The following DNER variants were observed in gnomAD, a reference collection of about 807,000 sequenced individuals.
DNER encodes delta/notch like EGF repeat containing.
A neutral mutation model predicts 78.2 loss-of-function variants in DNER; 33 were observed. That is an observed-to-expected ratio of 0.42 (90% CI 0.32 to 0.56). The LOEUF (loss-of-function observed/expected upper bound fraction) is 0.56, where lower values mean the gene tolerates loss of function less well. Ranked by LOEUF, DNER falls within the 20% of genes least tolerant of loss-of-function variation. DNER has a pLI of 0.11. For synonymous variants in DNER, 417 were observed against 384.8 expected (o/e 1.08, Z -0.98); for missense variants, 918 against 975.3 (o/e 0.94, Z 0.78).
intron 4 of DNER, among the ~76,000 whole-genome samples, chr2:229,560,719 C>T (rs1329926928): frequency 6.6e-6 from 1 of 152,080 alleles, no homozygotes; most frequent in Non-Finnish European, 1.5e-5. Context: ...GGGCCAGGTG[C>T]AAAAATTGCT....
chr2:229,475,911 C>A (rs570396213), intron 7 of DNER, among the ~76,000 whole-genome samples: 2 of 152,318 alleles, frequency 1.3e-5, no homozygotes, highest in East Asian at 3.9e-4. Flanking sequence ...TGGCGACTGA[C>A]TAACCAAGGG....
At chr2:229,387,579 G>GAAA (rs1692917142) in intron 11 of DNER, among the ~76,000 whole-genome samples, 11 of 147,916 alleles carry the variant, frequency 7.4e-5, no homozygotes, top group African/African-American at 2.2e-4. Flanking sequence ...AAAGAAAGAA[G>GAAA]GAAGGAAGGA....
intron 9 of DNER, among the ~76,000 whole-genome samples, chr2:229,416,852 G>C (rs1352493624): frequency 6.6e-6 from 1 of 152,136 alleles, no homozygotes; most frequent in African/African-American, 2.4e-5. Context: ...CAGAGATATT[G>C]AATGTCAATG....
chr2:229,439,722 C>T (rs77190368), intron 8 of DNER, among the ~76,000 whole-genome samples: 1,683 of 152,256 alleles, frequency 0.011, 98 homozygotes, highest in Admixed American at 0.094. Context: ...TCTGACCCTC[C>T]AGGGCCATAA....
chr2:229,655,184 A>G (rs558280916), intron 1 of DNER, among the ~76,000 whole-genome samples: 31 of 152,272 alleles, frequency 2.0e-4, no homozygotes, highest in South Asian at 1.9e-3. Context: ...AAGCTGCATG[A>G]TATCTTTACA....
At chr2:229,606,878 G>A (rs1287981164) in intron 1 of DNER, among the ~76,000 whole-genome samples, 1 of 152,078 alleles carries the variant, frequency 6.6e-6, no homozygotes, top group African/African-American at 2.4e-5. Flanking sequence ...TAGGCAACGA[G>A]AGCAAAACTC....
chr2:229,621,699 C>T (rs1478414793), intron 1 of DNER, among the ~76,000 whole-genome samples: 2 of 152,210 alleles, frequency 1.3e-5, no homozygotes, highest in African/African-American at 2.4e-5. Context: ...ATGCACCTGG[C>T]CTGACCCTCA....
chr2:229,394,240 T>C (rs939576179), intron 10 of DNER, among the ~76,000 whole-genome samples: 2 of 152,184 alleles, frequency 1.3e-5, no homozygotes, highest in Non-Finnish European at 2.9e-5. Context: ...AACCTTGATG[T>C]TATTGTACTT....
chr2:229,493,245 G>A (rs1394327371), intron 6 of DNER, among the ~76,000 whole-genome samples: 1 of 152,210 alleles, frequency 6.6e-6, no homozygotes, highest in Non-Finnish European at 1.5e-5. Flanking sequence ...TAGGAACAAT[G>A]TAGTGCTTTG....
chr2:229,592,659 TG>T (rs1697628978), intron 1 of DNER, among the ~76,000 whole-genome samples: 2 of 152,118 alleles, frequency 1.3e-5, no homozygotes, highest in African/African-American at 4.8e-5. Context: ...GACCTCTGAA[TG>T]GCCATGTGTT....
intron 1 of DNER, among the ~76,000 whole-genome samples, chr2:229,694,297 C>T (rs556939148): frequency 7.9e-4 from 120 of 152,328 alleles, no homozygotes; most frequent in Non-Finnish European, 1.3e-3. Context: ...TCTGCTAGGG[C>T]AGTGCAGAAG....
At chr2:229,542,726 T>C (rs1696539210) in intron 5 of DNER, among the ~76,000 whole-genome samples, 1 of 137,954 alleles carries the variant, frequency 7.2e-6, no homozygotes, top group South Asian at 2.3e-4. Context: ...TCTAAGACAC[T>C]GAAACAGCCA....
At chr2:229,432,049 G>A (rs1360820053) in intron 8 of DNER, among the ~76,000 whole-genome samples, 1 of 152,042 alleles carries the variant, frequency 6.6e-6, no homozygotes, top group Non-Finnish European at 1.5e-5. Flanking sequence ...TAATGCAAAT[G>A]TTTGTAATAC....
chr2:229,388,460 C>A, intron 10 of DNER, 64 bp from the exon 11 acceptor site: 2 of 1,509,564 alleles, frequency 1.3e-6, no homozygotes, highest in Non-Finnish European at 1.8e-6. Context: ...ATTTTTCTGG[C>A]CAAAAAATAA....
chr2:229,428,819 AG>A (rs1408382863), intron 8 of DNER, among the ~76,000 whole-genome samples: 3 of 152,140 alleles, frequency 2.0e-5, no homozygotes, highest in Non-Finnish European at 2.9e-5. Context: ...TCAGAGGTGG[AG>A]GGAGGGCAGA....
chr2:229,631,173 A>C (rs1243324850), intron 1 of DNER, among the ~76,000 whole-genome samples: 1 of 152,252 alleles, frequency 6.6e-6, no homozygotes, highest in Non-Finnish European at 1.5e-5. Context: ...TTGCTGAGTC[A>C]AATGGTAGTT....
At chr2:229,403,276 T>C (rs1342599028) in intron 10 of DNER, among the ~76,000 whole-genome samples, 1 of 152,140 alleles carries the variant, frequency 6.6e-6, no homozygotes, top group Non-Finnish European at 1.5e-5. Flanking sequence ...TGGAAGCAGT[T>C]AATATTTTAT....
chr2:229,631,994 C>T (rs527367421), intron 1 of DNER, among the ~76,000 whole-genome samples: 1 of 152,270 alleles, frequency 6.6e-6, no homozygotes, highest in East Asian at 1.9e-4. Context: ...AATATTCCTG[C>T]CAGTATTTTT....
At chr2:229,674,051 C>T (rs1286772631) in intron 1 of DNER, among the ~76,000 whole-genome samples, 1 of 152,202 alleles carries the variant, frequency 6.6e-6, no homozygotes, top group East Asian at 1.9e-4. Flanking sequence ...GAACACAACC[C>T]CTATTGGTCT....
Sources: gnomAD v4.1 joint callset for allele counts (sites outside exome capture counted in the v4.1 genomes callset) on GRCh38, gnomAD v4.1.1 for gene constraint, MANE v1.5 for transcripts, NCBI Gene and HGNC (gene_info 2026-07-23, HGNC 2026-07-21) for gene names.